DLC1: variants seen among roughly 807,000 people sequenced by gnomAD.
DLC1 encodes DLC1 Rho GTPase activating protein.
In DLC1, 54 loss-of-function variants were observed where a neutral mutation model predicts 140.3. That is an observed-to-expected ratio of 0.38 (90% CI 0.31 to 0.48). The LOEUF (loss-of-function observed/expected upper bound fraction) is 0.48, where lower values mean the gene tolerates loss of function less well. DLC1 is among the 20% of genes least tolerant of loss of function. DLC1 has a pLI of 0.96. For synonymous variants in DLC1, 986 were observed against 728.1 expected, an observed-to-expected ratio of 1.35 and a Z score of -5.70; for missense variants, 2,536 against 1,907.0, an observed-to-expected ratio of 1.33 and a Z score of -6.14.
chr8:13,281,463 CTA>C (rs1345684586), intron 5 of DLC1, among the ~76,000 whole-genome samples: 2 of 152,206 alleles, frequency 1.3e-5, no homozygotes, highest in African/African-American at 4.8e-5. Context: ...ATCTTGGAAT[CTA>C]TATCTGTATC....
chr8:13,320,788 G>T lies in DLC1; in HGVS notation c.1315-15486C>A, dbSNP rs1833070064. Reference sequence around the variant, plus strand: ...CCAGAACTTCAGGAGTCCAAGGCAGGAGGATTGCTTGAGGCCAAGAGTTCT... The same window carrying T: ...CCAGAACTTCAGGAGTCCAAGGCAGTAGGATTGCTTGAGGCCAAGAGTTCT... On this transcript the variant is annotated intron_variant, in intron 4 of 17. Transcript: ENST00000276297. Among the ~76,000 whole-genome samples, 3 of 152,192 alleles carry T rather than the reference G, an allele frequency of 2.0e-5. No individual in the cohort carries two copies. In the South Asian group the frequency reaches 6.2e-4, roughly 32 times the overall value.
intron 5 of DLC1, among the ~76,000 whole-genome samples, chr8:13,205,545 T>G (rs919281593): frequency 6.6e-6 from 1 of 152,116 alleles, no homozygotes; most frequent in Admixed American, 6.6e-5. Flanking sequence ...CTGGGCCACA[T>G]TGGAAGAAGA....
chr8:13,186,007 C>G (rs551366364), intron 5 of DLC1, among the ~76,000 whole-genome samples: 1 of 152,286 alleles, frequency 6.6e-6, no homozygotes, highest in South Asian at 2.1e-4. Context: ...GGGTTTCTGC[C>G]AAGAGATCCA....
At chr8:13,584,939 C>A (rs1473774063) in intron 1 of DLC1, among the ~76,000 whole-genome samples, 1 of 152,134 alleles carries the variant, frequency 6.6e-6, no homozygotes, top group African/African-American at 2.4e-5. Context: ...CACCTCTAAT[C>A]CCATTTTAGC....
At chr8:13,591,735 G>A (rs1805522511) in intron 1 of DLC1, among the ~76,000 whole-genome samples, 1 of 151,822 alleles carries the variant, frequency 6.6e-6, no homozygotes, top group Non-Finnish European at 1.5e-5. Context: ...TTTAGAGGTA[G>A]AACTGACAGA....
chr8:13,309,399 T>C (rs1832579372), intron 4 of DLC1, among the ~76,000 whole-genome samples: 1 of 152,228 alleles, frequency 6.6e-6, no homozygotes, highest in Non-Finnish European at 1.5e-5. Context: ...CAACCCTCTA[T>C]GTTGAGACCC....
intron 4 of DLC1, among the ~76,000 whole-genome samples, chr8:13,359,634 TG>T (rs773636905): frequency 1.6e-4 from 25 of 152,202 alleles, no homozygotes; most frequent in Non-Finnish European, 3.1e-4. Context: ...GGTAGTTTCA[TG>T]ACATCCAAGA....
At chr8:13,111,431 TG>T (rs1253301476) in intron 6 of DLC1, among the ~76,000 whole-genome samples, 1 of 152,176 alleles carries the variant, frequency 6.6e-6, no homozygotes, top group Non-Finnish European at 1.5e-5. Context: ...GCTATGAAGT[TG>T]CTATAGAACA....
chr8:13,173,183 G>C (rs1356109531), intron 5 of DLC1, among the ~76,000 whole-genome samples: 3 of 152,080 alleles, frequency 2.0e-5, no homozygotes, highest in Admixed American at 6.5e-5. Context: ...TTCCCCATGA[G>C]AGGTTTGGCT....
intron 5 of DLC1, among the ~76,000 whole-genome samples, chr8:13,297,458 G>C (rs1248444615): frequency 6.6e-6 from 1 of 151,788 alleles, no homozygotes; most frequent in Non-Finnish European, 1.5e-5. Flanking sequence ...GGGGGTCTTT[G>C]CTGTTACAAG....
chr8:13,223,113 C>T (rs1393298330), intron 5 of DLC1, among the ~76,000 whole-genome samples: 4 of 152,096 alleles, frequency 2.6e-5, no homozygotes, highest in African/African-American at 4.8e-5. Flanking sequence ...CTGCAATCTT[C>T]TTAAATATTT....
rs770870608 is a variant in DLC1, at chr8:13,499,393, T to G, written c.679A>C (p.Asn227His). The change falls in exon 2 of 18, where the codon AAC (asparagine) becomes CAC (histidine). Residue 227 changes from asparagine (N) to histidine (H), a missense_variant. Physicochemically the swap from Asn to His is moderately conservative, Grantham distance 68 (BLOSUM62 1). Transcript: ENST00000276297. ...KDIAPEKQLL[N>H]SAVIAQQRRK... is the part of the protein sequence containing the mutation. ...CGTTGCTGAGCAATTACAGCAGAGTTAAGCAATTGTTTCTCAGGTGCAATA... is the reference window on the plus strand; with the variant it reads ...CGTTGCTGAGCAATTACAGCAGAGTGAAGCAATTGTTTCTCAGGTGCAATA... The G allele has an allele frequency of 4.3e-6, 7 of 1,613,732 alleles. No homozygotes were observed. The African/African-American group carries it at 6.7e-5, about 15-fold the overall frequency.
intron 2 of DLC1, among the ~76,000 whole-genome samples, chr8:13,453,589 TACTGAG>T (rs1262215199): frequency 5.3e-5 from 7 of 133,148 alleles, no homozygotes; most frequent in Non-Finnish European, 1.1e-4. Context: ...TAGAAATGTT[TACTGAG>T]ACTAAGTTGA....
chr8:13,338,667 C>G (rs967409784), intron 4 of DLC1: 1 of 152,156 alleles, frequency 6.6e-6, no homozygotes, highest in Non-Finnish European at 1.5e-5. Context: ...GTCCCCACAC[C>G]TCATCTGTAC....
Position 13,100,488 on chromosome 8 carries a change from G to A in DLC1, c.1849C>T (p.Arg617Trp), listed in dbSNP as rs780178178. The change falls in exon 9 of 18, where the codon CGG (arginine) becomes TGG (tryptophan). Residue 617 changes from arginine to tryptophan, a missense_variant. By Grantham distance (101) the Arg-to-Trp change is moderately radical. Coordinates refer to ENST00000276297, the MANE Select transcript of DLC1 (RefSeq NM_182643.3). ...APPSEDAATP[R>W]TNSVISVCSS... ...CAAACGCTGATGACGGAGTTAGTCCGGGGGGTGGCAGCATCCTCGCTGGGG... is the reference window on the plus strand; with the variant it reads ...CAAACGCTGATGACGGAGTTAGTCCAGGGGGTGGCAGCATCCTCGCTGGGG... The A allele has an allele frequency of 6.8e-6, 11 of 1,612,322 alleles. No individual in the cohort carries two copies. The highest frequency in any genetic ancestry group is 5.5e-5 in the South Asian group (5 of 91,086).
chr8:13,291,334 C>A lies in DLC1; in HGVS notation c.1348+13935G>T, dbSNP rs57368475. ...CTTATAATAGAGAATTCAGTGAAAT[C>A]ATGTTTGGATAGTAAATATTTTTTG... On this transcript the variant is annotated intron_variant, in intron 5 of 17. Transcript: ENST00000276297. Among the ~76,000 whole-genome samples, 497 of 152,306 alleles carry A rather than the reference C, an allele frequency of 3.3e-3. 6 individuals are homozygous for A. The highest frequency in any genetic ancestry group is 0.01 in the African/African-American group (427 of 41,550).
upstream of DLC1, among the ~76,000 whole-genome samples, chr8:13,517,546 T>C (rs1321927477): frequency 6.6e-6 from 1 of 152,208 alleles, no homozygotes; most frequent in Non-Finnish European, 1.5e-5. Context: ...TTATAAAGGC[T>C]TTACCAAATA....
chr8:13,322,752 G>T (rs943093047), intron 4 of DLC1, among the ~76,000 whole-genome samples: 1 of 152,178 alleles, frequency 6.6e-6, no homozygotes, highest in African/African-American at 2.4e-5. Context: ...ACTGCATGGG[G>T]ATGGCAATTC....
intron 3 of DLC1, 44 bp from the exon 4 acceptor site, chr8:13,393,737 T>A: frequency 6.3e-7 from 1 of 1,583,252 alleles, no homozygotes; most frequent in Non-Finnish European, 8.6e-7. Flanking sequence ...ATGTGAATGT[T>A]CCCAAATGCC....
Sources: allele counts gnomAD v4.1 joint callset (sites outside exome capture counted in the v4.1 genomes callset), GRCh38; gene constraint gnomAD v4.1.1; transcripts MANE v1.5; gene names NCBI Gene and HGNC (gene_info 2026-07-23, HGNC 2026-07-21).